Variants in MXRA7 observed in about 807,000 individuals in gnomAD.
MXRA7 encodes matrix remodeling associated 7.
Under a neutral mutation model 17.4 loss-of-function variants are expected in MXRA7, and 18 were observed. The ratio of observed to expected loss-of-function variants is 1.03; its 90% CI spans 0.71 to 1.53. The LOEUF (loss-of-function observed/expected upper bound fraction) is 1.53. Among genes scored for constraint, MXRA7 ranks in the 40% most tolerant of loss-of-function variants. MXRA7 has a pLI of 0.00. For synonymous variants in MXRA7, 70 were observed against 101.7 expected, an observed-to-expected ratio of 0.69 and a Z score of 1.87; for missense variants, 141 against 209.3, an observed-to-expected ratio of 0.67 and a Z score of 2.01.
intron 3 of MXRA7, chr17:76,683,815 G>C: frequency 1.3e-6 from 2 of 1,552,330 alleles, no homozygotes; most frequent in East Asian, 2.2e-5. Context: ...TAGAAGGGGA[G>C]CACCACTAGT....
chr17:76,695,948 A>T (rs1248974566), intron 1 of MXRA7, among the ~76,000 whole-genome samples: 1 of 152,020 alleles, frequency 6.6e-6, no homozygotes, highest in Non-Finnish European at 1.5e-5. Flanking sequence ...TACAAAAATT[A>T]GCTAGGTGTG....
chr17:76,701,837 T>C (rs941425762), intron 1 of MXRA7, among the ~76,000 whole-genome samples: 2 of 152,148 alleles, frequency 1.3e-5, no homozygotes, highest in Non-Finnish European at 2.9e-5. Flanking sequence ...CAAGGGCACA[T>C]TCACAAGCCC....
chr17:76,690,283 A>G (rs764294802), intron 1 of MXRA7: 2 of 152,216 alleles, frequency 1.3e-5, no homozygotes, highest in African/African-American at 4.8e-5. Flanking sequence ...AGAGTTCAGT[A>G]TAATTTGGAC....
chr17:76,683,231 G>A (rs992630367), intron 3 of MXRA7, among the ~76,000 whole-genome samples: 1 of 152,222 alleles, frequency 6.6e-6, no homozygotes, highest in Non-Finnish European at 1.5e-5. Context: ...TTAGATTTGG[G>A]GGGCTGTGTG....
At chr17:76,706,027 C>T (rs906861766) in intron 1 of MXRA7, among the ~76,000 whole-genome samples, 3 of 149,734 alleles carry the variant, frequency 2.0e-5, no homozygotes, top group African/African-American at 4.9e-5. Flanking sequence ...ACTGCCATCA[C>T]GAAGGCCCAC....
downstream of MXRA7, chr17:76,677,517 A>G (rs1212487093): frequency 9.2e-7 from 1 of 1,083,542 alleles, no homozygotes; most frequent in Non-Finnish European, 1.4e-6. Context: ...AGAAGTCTGG[A>G]AAGAACAAGG....
At chr17:76,701,359 G>T (rs956687640) in intron 1 of MXRA7, among the ~76,000 whole-genome samples, 1 of 151,590 alleles carries the variant, frequency 6.6e-6, no homozygotes, top group Non-Finnish European at 1.5e-5. Context: ...CTGAGCGTCG[G>T]GGGGGTGGAT....
At chr17:76,707,335 C>T (rs546934389) in intron 1 of MXRA7, among the ~76,000 whole-genome samples, 8 of 124,134 alleles carry the variant, frequency 6.4e-5, no homozygotes, top group South Asian at 2.7e-4. Flanking sequence ...GATGGAGTCT[C>T]GTTCTGTTGC....
chr17:76,701,657 C>A (rs964109184), intron 1 of MXRA7, among the ~76,000 whole-genome samples: 1 of 151,800 alleles, frequency 6.6e-6, no homozygotes, highest in African/African-American at 2.4e-5. Context: ...GGGTAAGCCG[C>A]AGACAAGGAG....
At chr17:76,688,372 C>G in intron 1 of MXRA7, 196 bp from the exon 2 acceptor site, 1 of 1,434,312 alleles carries the variant, frequency 7.0e-7, no homozygotes, top group Admixed American at 2.8e-5. Flanking sequence ...AGTGACTCGG[C>G]TCACAAATGC....
At chr17:76,682,334 A>C (rs891540221) in intron 3 of MXRA7, among the ~76,000 whole-genome samples, 2 of 152,148 alleles carry the variant, frequency 1.3e-5, no homozygotes, top group Admixed American at 6.5e-5. Context: ...GAGCTGGGAA[A>C]GGCATCAGAG....
At chr17:76,699,607 T>A (rs1394360000) in intron 1 of MXRA7, among the ~76,000 whole-genome samples, 1 of 151,990 alleles carries the variant, frequency 6.6e-6, no homozygotes, top group African/African-American at 2.4e-5. Flanking sequence ...TTGGGTGAGG[T>A]CTCTCTCCTC....
chr17:76,710,843 G>A lies in MXRA7; in HGVS notation c.104C>T (p.Pro35Leu), dbSNP rs1478736556. The A allele has an allele frequency of 3.1e-6, 3 of 968,910 alleles. No individual in the cohort carries two copies. Among genetic ancestry groups the A allele is most frequent in the African/African-American group, 1.8e-5 (1 of 56,108 alleles). The allele number at this position is 968,910 out of a possible 1,614,324, so 60.0% of individuals were successfully genotyped here. Residue 35 changes from proline (P) to leucine (L), a missense_variant, in exon 1 of 4, where the codon CCG becomes CTG. By Grantham distance (98) the Pro-to-Leu change is moderately conservative (BLOSUM62 -3). Around this residue, in one of 3 missense-constraint regions of MXRA7, gnomAD observed 72 missense variants for 111.9 expected, o/e 0.64. Transcript: ENST00000449428. ...LLVRRGAAAS[P>L]EPARAPPEPA... Reference sequence around the variant, plus strand: ...TTCCGGGGGCGCGCGGGCAGGCTCCGGGCTCGCGGCCGCCCCACGCCGCAC... The same window carrying A: ...TTCCGGGGGCGCGCGGGCAGGCTCCAGGCTCGCGGCCGCCCCACGCCGCAC...
chr17:76,678,643 G>A (rs2076260327), downstream of MXRA7, among the ~76,000 whole-genome samples: 1 of 152,194 alleles, frequency 6.6e-6, no homozygotes, highest in Non-Finnish European at 1.5e-5. Context: ...ACATCACAGT[G>A]TCGGACCTCT....
At chr17:76,685,825 C>G (rs1485569743) in intron 2 of MXRA7, among the ~76,000 whole-genome samples, 1 of 152,228 alleles carries the variant, frequency 6.6e-6, no homozygotes, top group Non-Finnish European at 1.5e-5. Context: ...GGAGTGGACA[C>G]AGGCTCCGGG....
chr17:76,699,180 T>G (rs1186961953), intron 1 of MXRA7, among the ~76,000 whole-genome samples: 2 of 152,170 alleles, frequency 1.3e-5, no homozygotes, highest in African/African-American at 4.8e-5. Context: ...GGACTCATTC[T>G]GTAGCCCAGG....
At chr17:76,694,672 C>T (rs528923127) in intron 1 of MXRA7, among the ~76,000 whole-genome samples, 1 of 152,148 alleles carries the variant, frequency 6.6e-6, no homozygotes, top group Non-Finnish European at 1.5e-5. Context: ...TGCATCCTTG[C>T]CCTTCCAGGC....
At position 76,706,309 on chromosome 17, in the gene MXRA7, ACGCTGC is replaced by A. The variant is rs1567990909; in HGVS notation, c.342+4290_342+4295del. On this transcript the variant is annotated intron_variant, in intron 1 of 3. Coordinates refer to ENST00000449428, the MANE Select transcript of MXRA7 (RefSeq NM_198530.4). Reference sequence around the variant, plus strand: ...GCCCACGCTGCCGTCACAGAGGCCCACGCTGCCATCACAAAGGACCACGCTGCCATC... The same window carrying A: ...GCCCACGCTGCCGTCACAGAGGCCCACATCACAAAGGACCACGCTGCCATC... 5.1e-4 allele frequency among the ~76,000 whole-genome samples: 51 copies of A among 100,272 alleles called. 14 individuals carry two copies. Among genetic ancestry groups the A allele is most frequent in the South Asian group, 7.0e-4 (2 of 2,838 alleles). The allele number at this position is 100,272 out of a possible 152,430, so 65.8% of individuals were successfully genotyped here. A position where few individuals can be genotyped will look rare whatever the true frequency, so the allele number is the denominator to read the frequency against.
downstream of MXRA7, chr17:76,675,388 ATTTTTTTTTTTTTTT>A (rs10538947): frequency 5.9e-5 from 4 of 68,120 alleles, no homozygotes; most frequent in African/African-American, 2.1e-4. Flanking sequence ...AGAACAAATA[ATTTTTTTTTTTTTTT>A]TTTTTTTTTT....
Sources: allele counts gnomAD v4.1 joint callset (sites outside exome capture counted in the v4.1 genomes callset), GRCh38; gene constraint gnomAD v4.1.1; regional missense constraint gnomAD v4.1.1; transcripts MANE v1.5; gene names NCBI Gene and HGNC (gene_info 2026-07-23, HGNC 2026-07-21).